Variants in MCPH1 observed in about 807,000 individuals in gnomAD.
MCPH1 encodes the protein microcephalin.
A neutral mutation model predicts 84.5 loss-of-function variants in MCPH1; 104 were observed. The observed-to-expected ratio is 1.23, with a 90% confidence interval of 1.05 to 1.45. The LOEUF (loss-of-function observed/expected upper bound fraction) is 1.45, where lower values mean the gene tolerates loss of function less well. Among genes scored for constraint, MCPH1 ranks in the 40% most tolerant of loss-of-function variants. The pLI, the probability that MCPH1 is intolerant of heterozygous loss-of-function variation, is 0.00. For missense variants in MCPH1, 1,498 were observed against 1,005.7 expected (o/e 1.49, Z -6.62); for synonymous variants, 514 against 366.8 (o/e 1.40, Z -4.58).
intron 9 of MCPH1, among the ~76,000 whole-genome samples, chr8:6,456,358 G>C (rs1338117025): frequency 6.6e-6 from 1 of 152,148 alleles, no homozygotes; most frequent in African/African-American, 2.4e-5. Flanking sequence ...CCAGGGGTGG[G>C]GCCCTTCCTA....
At chr8:6,447,852 A>C (rs546919003) in intron 8 of MCPH1, among the ~76,000 whole-genome samples, 14 of 152,032 alleles carry the variant, frequency 9.2e-5, no homozygotes, top group Non-Finnish European at 1.9e-4. Flanking sequence ...CCCGGCCAAC[A>C]ATTTTGTTTT....
chr8:6,537,235 G>A (rs1053054971), intron 12 of MCPH1, among the ~76,000 whole-genome samples: 18 of 152,212 alleles, frequency 1.2e-4, no homozygotes, highest in African/African-American at 3.4e-4. Context: ...TTCCATGAGC[G>A]TGATCTGTAG....
intron 12 of MCPH1, chr8:6,513,865 T>C: frequency 6.3e-7 from 1 of 1,581,668 alleles, no homozygotes. Context: ...AGTTGTTAAA[T>C]TCAATTATTT....
At chr8:6,437,403 G>A (rs1397981045) in intron 5 of MCPH1, among the ~76,000 whole-genome samples, 1 of 151,886 alleles carries the variant, frequency 6.6e-6, no homozygotes, top group Non-Finnish European at 1.5e-5. Context: ...GCTGATTTTT[G>A]TATTTTTAGT....
intron 12 of MCPH1, among the ~76,000 whole-genome samples, chr8:6,586,991 C>T (rs1019111953): frequency 3.9e-5 from 6 of 151,966 alleles, no homozygotes; most frequent in South Asian, 2.1e-4. Flanking sequence ...GCCTGCAGGC[C>T]GCAGTTTCCT....
At chr8:6,446,321 TA>T in intron 8 of MCPH1, 1 of 985,228 alleles carries the variant, frequency 1.0e-6, no homozygotes, top group Non-Finnish European at 1.2e-6. Context: ...AAGATTAGGT[TA>T]AAATTTGAGT....
At chr8:6,558,664 A>G (rs1825034466) in intron 12 of MCPH1, among the ~76,000 whole-genome samples, 5 of 152,216 alleles carry the variant, frequency 3.3e-5, no homozygotes, top group African/African-American at 1.2e-4. Flanking sequence ...GTGTCTCAAT[A>G]GAAGGTAAGG....
chr8:6,609,461 G>GA (rs554279973), intron 12 of MCPH1, among the ~76,000 whole-genome samples: 6 of 152,206 alleles, frequency 3.9e-5, no homozygotes, highest in African/African-American at 1.2e-4. Flanking sequence ...AGCCTTAAAA[G>GA]AAAAAAACCT....
chr8:6,574,319 G>A (rs972353848), intron 12 of MCPH1, among the ~76,000 whole-genome samples: 2 of 152,024 alleles, frequency 1.3e-5, no homozygotes, highest in African/African-American at 4.8e-5. Flanking sequence ...TGGTGTTGCT[G>A]GCCTCATCGT....
At position 6,626,015 on chromosome 8, in the gene MCPH1, G is replaced by C. The variant is rs1563210250; in HGVS notation, c.2452+4324G>C. 9 of 985,204 alleles carry C rather than the reference G, an allele frequency of 9.1e-6. No individual in the cohort carries two copies. The highest frequency in any genetic ancestry group is 1.1e-5 in the Non-Finnish European group (9 of 829,928). 61.0% of individuals were successfully genotyped at this position (985,204 alleles called of 1,614,324 possible). ...GTACTGAAACGACAGCTCTTCCCCT[G>C]GGACTGCAGCATCCGAGCACCACAG... On this transcript the variant is annotated intron_variant, in intron 13 of 13. Coordinates refer to ENST00000344683, the MANE Select transcript of MCPH1 (RefSeq NM_024596.5).
chr8:6,565,774 G>A (rs1826094370), intron 12 of MCPH1, among the ~76,000 whole-genome samples: 1 of 152,226 alleles, frequency 6.6e-6, no homozygotes, highest in East Asian at 1.9e-4. Flanking sequence ...TAAACAAATT[G>A]GATGTGGTAA....
chr8:6,593,762 G>A (rs930834821), intron 12 of MCPH1, among the ~76,000 whole-genome samples: 1 of 152,160 alleles, frequency 6.6e-6, no homozygotes, highest in Non-Finnish European at 1.5e-5. Context: ...TTTTAATGAG[G>A]TCATGTTATA....
At chr8:6,529,702 C>T (rs569517454) in intron 12 of MCPH1, among the ~76,000 whole-genome samples, 92 of 148,502 alleles carry the variant, frequency 6.2e-4, no homozygotes, top group African/African-American at 2.2e-3. Context: ...TGATCTCAAG[C>T]GATCCACCCA....
chr8:6,579,575 G>C (rs1586698055), intron 12 of MCPH1, among the ~76,000 whole-genome samples: 2 of 152,206 alleles, frequency 1.3e-5, no homozygotes, highest in African/African-American at 4.8e-5. Context: ...TAGTTAGTAT[G>C]TAGTGTTTGG....
chr8:6,526,732 G>A (rs2959816), intron 12 of MCPH1, among the ~76,000 whole-genome samples: 2 of 152,056 alleles, frequency 1.3e-5, no homozygotes, highest in East Asian at 3.8e-4. Flanking sequence ...TTGTGAAATA[G>A]GATATATTGT....
intron 12 of MCPH1, among the ~76,000 whole-genome samples, chr8:6,580,021 G>C (rs1248972962): frequency 6.6e-6 from 1 of 152,190 alleles, no homozygotes; most frequent in Admixed American, 6.5e-5. Context: ...AGTAGGGTCA[G>C]GTTCAAACTC....
chr8:6,595,496 T>G (rs1179551976), intron 12 of MCPH1, among the ~76,000 whole-genome samples: 1 of 152,190 alleles, frequency 6.6e-6, no homozygotes, highest in African/African-American at 2.4e-5. Context: ...CAAGGCCTGA[T>G]GGACGGCTGA....
intron 11 of MCPH1, among the ~76,000 whole-genome samples, chr8:6,491,060 A>G (rs1810513070): frequency 3.3e-5 from 1 of 30,072 alleles, no homozygotes; most frequent in African/African-American, 4.8e-5. Flanking sequence ...AAATTTATCA[A>G]AAAAAATTTT....
chr8:6,490,474 C>T (rs1810438571), intron 11 of MCPH1, among the ~76,000 whole-genome samples: 2 of 152,166 alleles, frequency 1.3e-5, no homozygotes, highest in South Asian at 4.1e-4. Context: ...GAACATCATA[C>T]TTCTCTTACA....
Sources: gnomAD v4.1 joint callset for allele counts (sites outside exome capture counted in the v4.1 genomes callset) on GRCh38, gnomAD v4.1.1 for gene constraint, MANE v1.5 for transcripts, NCBI Gene and HGNC (gene_info 2026-07-23, HGNC 2026-07-21) for gene names.